MYO5A: variants seen among roughly 807,000 people sequenced by gnomAD.
MYO5A encodes the protein unconventional myosin-Va.
Under a neutral mutation model 249.7 loss-of-function variants are expected in MYO5A, and 98 were observed. The observed-to-expected ratio is 0.39, with a 90% confidence interval of 0.33 to 0.46. MYO5A has a LOEUF of 0.46. MYO5A is among the 20% of genes least tolerant of loss of function. The pLI, the probability that MYO5A is intolerant of heterozygous loss-of-function variation, is 0.98. For missense variants in MYO5A, 1,696 were observed against 2,308.8 expected, an observed-to-expected ratio of 0.73 and a Z score of 5.44; for synonymous variants, 778 against 810.6, an observed-to-expected ratio of 0.96 and a Z score of 0.68.
At position 52,407,302 on chromosome 15, in the gene MYO5A, G is replaced by A; in HGVS notation, c.936C>T (p.Cys312=). ...AKEMAHTRQA[C]TLLGISESHQ... is the part of the protein sequence containing the mutation. ...ATAAAGTGACATTACCTAGCAAAGT[G>A]CAGGCCTGCCTAGTATGTGCCATCT... is the stretch of plus-strand genomic sequence containing the variant. Residue 312 remains cysteine (C), a synonymous_variant, in exon 8 of 42, where the codon TGC becomes TGT. Transcript: ENST00000399233. 1.9e-6 allele frequency: 3 copies of A among 1,611,342 alleles called. No individual in the cohort carries two copies. The highest frequency in any genetic ancestry group is 1.7e-5 in the Admixed American group (1 of 60,002).
At chr15:52,466,223 A>G (rs1595735064) in intron 1 of MYO5A, among the ~76,000 whole-genome samples, 2 of 152,244 alleles carry the variant, frequency 1.3e-5, no homozygotes, top group African/African-American at 4.8e-5. Flanking sequence ...GGAGCTAGCC[A>G]CAGCAGCAGC....
At chr15:52,332,829 G>A (rs28735959) in intron 34 of MYO5A, among the ~76,000 whole-genome samples, 3,629 of 152,216 alleles carry the variant, frequency 0.024, 113 homozygotes, top group African/African-American at 0.07. Context: ...GCCGGGCATG[G>A]TGGTACATGC....
rs1248133734 is a variant in MYO5A at position 52,349,115 on chromosome 15, T to G, written c.3850-289A>C. On this transcript the variant is annotated intron_variant, in intron 28 of 41. Coordinates refer to ENST00000399233, the MANE Select transcript of MYO5A (RefSeq NM_001382347.1). Reference sequence around the variant, plus strand: ...TTTCTGGTTATAAAATATCTTTGAGTATGTGAGAGAATGACCCTCCTGTTA... The same window carrying G: ...TTTCTGGTTATAAAATATCTTTGAGGATGTGAGAGAATGACCCTCCTGTTA... 2.0e-5 allele frequency among the ~76,000 whole-genome samples: 3 copies of G among 152,216 alleles called. No homozygotes were observed. In the East Asian group the frequency reaches 5.8e-4, roughly 29 times the overall value.
chr15:52,416,557 AG>A (rs1158595037), intron 4 of MYO5A, among the ~76,000 whole-genome samples: 1 of 152,090 alleles, frequency 6.6e-6, no homozygotes, highest in Non-Finnish European at 1.5e-5. Context: ...TAGGTGCACC[AG>A]CCCAGTCAGA....
rs1446775765 is a variant in MYO5A, at chr15:52,416,260, C to T, written c.497G>A (p.Gly166Glu). The change falls in exon 5 of 42, where the codon GGG (glycine) becomes GAG (glutamate). Residue 166 changes from glycine to glutamate, a missense_variant. Coordinates refer to ENST00000399233, the MANE Select transcript of MYO5A (RefSeq NM_001382347.1). Reference sequence around the variant, plus strand: ...CTTAGCTGAGACTGTTTTTCCTGCCCCAGACTCTCCACTTACGATGATGGA... The same window carrying T: ...CTTAGCTGAGACTGTTTTTCCTGCCTCAGACTCTCCACTTACGATGATGGA... ...NQSIIVSGES[G>E]AGKTVSAKYA... The T allele has an allele frequency of 6.2e-7, 1 of 1,613,868 alleles. No homozygotes were observed. The highest frequency in any genetic ancestry group is 2.2e-5 in the East Asian group (1 of 44,892).
At chr15:52,403,383 C>T (rs1371482430) in intron 9 of MYO5A, among the ~76,000 whole-genome samples, 2 of 151,940 alleles carry the variant, frequency 1.3e-5, no homozygotes, top group Non-Finnish European at 2.9e-5. Flanking sequence ...ATTATTCAGC[C>T]GTAAAAAAGA....
intron 1 of MYO5A, among the ~76,000 whole-genome samples, chr15:52,443,953 A>G (rs1367387617): frequency 6.6e-6 from 1 of 152,138 alleles, no homozygotes; most frequent in Non-Finnish European, 1.5e-5. Context: ...ACTACACTCC[A>G]GCCTGGGCAA....
At chr15:52,377,319 G>A (rs1379526020) in intron 18 of MYO5A, among the ~76,000 whole-genome samples, 1 of 151,890 alleles carries the variant, frequency 6.6e-6, no homozygotes, top group Non-Finnish European at 1.5e-5. Flanking sequence ...CTACTTGGGA[G>A]GCTGAGGCAG....
At chr15:52,481,345 C>G (rs527490368) in intron 1 of MYO5A, among the ~76,000 whole-genome samples, 1 of 152,308 alleles carries the variant, frequency 6.6e-6, no homozygotes, top group African/African-American at 2.4e-5. Context: ...ACTTTATACC[C>G]TAACTAATTC....
rs5812601 is a variant in MYO5A, at chr15:52,369,869, CTTTTT to C, written c.3066+295_3066+299del. On this transcript the variant is annotated intron_variant, in intron 22 of 41. Coordinates refer to ENST00000399233, the MANE Select transcript of MYO5A (RefSeq NM_001382347.1). ...AAAAGGAGTCTATGCCCCAGACTGACTTTTTTTTTTTTTTTTTTTTTTTAATATAC... is the reference window on the plus strand; with the variant it reads ...AAAAGGAGTCTATGCCCCAGACTGACTTTTTTTTTTTTTTTTTTAATATAC... 4.4e-3 allele frequency among the ~76,000 whole-genome samples: 414 copies of C among 93,808 alleles called. 2 individuals are homozygous for C. The highest frequency in any genetic ancestry group is 0.015 in the African/African-American group (400 of 27,390). The allele number at this position is 93,808 out of a possible 152,430, so 61.5% of individuals were successfully genotyped here.
chr15:52,348,099 G>T (rs1422780388), intron 29 of MYO5A, among the ~76,000 whole-genome samples: 1 of 152,166 alleles, frequency 6.6e-6, no homozygotes, highest in Admixed American at 6.5e-5. Flanking sequence ...CTCCTGGGTG[G>T]TAAGTCACCA....
intron 37 of MYO5A, among the ~76,000 whole-genome samples, chr15:52,322,146 G>T (rs2140932803): frequency 6.6e-6 from 1 of 152,338 alleles, no homozygotes; most frequent in Admixed American, 6.5e-5. Flanking sequence ...CGTGATAAAG[G>T]CAAGTGCTTA....
intron 1 of MYO5A, among the ~76,000 whole-genome samples, chr15:52,445,770 A>G (rs1201908220): frequency 6.6e-6 from 1 of 152,180 alleles, no homozygotes; most frequent in African/African-American, 2.4e-5. Context: ...ACTTGGCTAC[A>G]ATGTGGCCCC....
chr15:52,386,433 A>G (rs2041975486), intron 14 of MYO5A, among the ~76,000 whole-genome samples: 1 of 152,224 alleles, frequency 6.6e-6, no homozygotes, highest in South Asian at 2.1e-4. Flanking sequence ...TTATAAATCA[A>G]ACCAATAAAG....
chr15:52,407,115 C>T (rs2043039123), intron 8 of MYO5A, among the ~76,000 whole-genome samples, 177 bp downstream of exon 8: 1 of 152,134 alleles, frequency 6.6e-6, no homozygotes, highest in South Asian at 2.1e-4. Context: ...TAGAACAGTT[C>T]CATCATCCCA....
chr15:52,348,806 AGGTAT>A lies in MYO5A; in HGVS notation c.3858+7_3858+11del. On this transcript the variant is annotated splice_region_variant and intron_variant, in intron 29 of 41. Transcript: ENST00000399233. ...AGAAGTATTTACTAAAAAAAAAAAA[AGGTAT>A]AATTACCTTGTCATCCTGAGAATCA... The A allele has an allele frequency of 1.3e-6, 2 of 1,564,458 alleles. No homozygotes were observed. The highest frequency in any genetic ancestry group is 1.7e-6 in the Non-Finnish European group (2 of 1,156,582).
rs779195464 is a variant in MYO5A at position 52,372,262 on chromosome 15, C to T, written c.2679G>A (p.Gln893=). The T allele has an allele frequency of 1.1e-4, 171 of 1,612,246 alleles. No individual in the cohort carries two copies. The highest frequency in any genetic ancestry group is 1.4e-4 in the Non-Finnish European group (161 of 1,180,044). Residue 893 remains glutamine (Q), a synonymous_variant, in exon 21 of 42, where the codon CAG becomes CAA. Coordinates refer to ENST00000399233, the MANE Select transcript of MYO5A (RefSeq NM_001382347.1). ...TGGCCATCATCCGCCTGAAGCAGCA[C>T]TGAAGGTAGATGATGGCATGCATGC... ...KRSMHAIIYL[Q]CCFRRMMAKR... is the part of the protein sequence containing the mutation.
intron 4 of MYO5A, among the ~76,000 whole-genome samples, chr15:52,423,042 A>G (rs2075314410): frequency 6.6e-6 from 1 of 152,130 alleles, no homozygotes; most frequent in African/African-American, 2.4e-5. Context: ...ATTGTTAATC[A>G]TGCCTGACTT....
At chr15:52,463,293 A>T (rs577476237) in intron 1 of MYO5A, among the ~76,000 whole-genome samples, 2 of 152,356 alleles carry the variant, frequency 1.3e-5, no homozygotes, top group African/African-American at 4.8e-5. Context: ...GGACTTCTCT[A>T]GAAATAAGAA....
Sources: allele counts gnomAD v4.1 joint callset (sites outside exome capture counted in the v4.1 genomes callset), GRCh38; gene constraint gnomAD v4.1.1; transcripts MANE v1.5; gene names NCBI Gene and HGNC (gene_info 2026-07-23, HGNC 2026-07-21).